The following KCNAB1 variants were observed in gnomAD, a reference collection of about 807,000 sequenced individuals.
The protein encoded by KCNAB1 is potassium voltage-gated channel subfamily A regulatory beta subunit 1, also known as voltage-gated potassium channel subunit beta-1.
A neutral mutation model predicts 64.6 loss-of-function variants in KCNAB1; 35 were observed. The observed-to-expected ratio is 0.54, with a 90% CI of 0.41 to 0.72. KCNAB1 has a LOEUF of 0.72. KCNAB1 is among the 30% of genes least tolerant of loss of function. The pLI is 0.00. For missense variants in KCNAB1, 401 were observed against 512.9 expected, an observed-to-expected ratio of 0.78 and a Z score of 2.11; for synonymous variants, 177 against 183.8, an observed-to-expected ratio of 0.96 and a Z score of 0.30.
chr3:156,512,577 A>G (rs1413533318), intron 8 of KCNAB1, among the ~76,000 whole-genome samples: 1 of 152,208 alleles, frequency 6.6e-6, no homozygotes, highest in Non-Finnish European at 1.5e-5. Flanking sequence ...AGGGAAAGGG[A>G]GCTGGTGCAG....
intron 2 of KCNAB1, among the ~76,000 whole-genome samples, chr3:156,429,595 C>G (rs530334966): frequency 2.6e-5 from 4 of 152,210 alleles, no homozygotes; most frequent in Non-Finnish European, 5.9e-5. Flanking sequence ...CTTAGTGATG[C>G]TCTCACTGCA....
intron 1 of KCNAB1, among the ~76,000 whole-genome samples, chr3:156,190,252 C>T (rs1041040680): frequency 1.3e-5 from 2 of 152,168 alleles, no homozygotes; most frequent in African/African-American, 2.4e-5. Context: ...TAGCTGCAAA[C>T]GATTTGCAAT....
chr3:156,529,418 A>C (rs80169016), intron 12 of KCNAB1, among the ~76,000 whole-genome samples: 2,682 of 152,238 alleles, frequency 0.018, 77 homozygotes, highest in African/African-American at 0.061. Flanking sequence ...TGGTAAATTT[A>C]TAAAAATTAT....
chr3:156,172,493 T>A (rs2108328225), intron 1 of KCNAB1, among the ~76,000 whole-genome samples: 1 of 152,334 alleles, frequency 6.6e-6, no homozygotes, highest in South Asian at 2.1e-4. Flanking sequence ...TTGGCCAGGC[T>A]GGTCTCAAAC....
chr3:156,486,720 AG>A (rs772165158), intron 8 of KCNAB1, among the ~76,000 whole-genome samples: 4 of 152,200 alleles, frequency 2.6e-5, no homozygotes, highest in Non-Finnish European at 4.4e-5. Context: ...GCTGGAGGAC[AG>A]GGATTTGAGG....
chr3:156,440,795 GAC>G (rs1716937774), intron 2 of KCNAB1, among the ~76,000 whole-genome samples: 1 of 152,076 alleles, frequency 6.6e-6, no homozygotes, highest in South Asian at 2.1e-4. Context: ...GTATCTATCA[GAC>G]ACAGATGAAA....
intron 1 of KCNAB1, among the ~76,000 whole-genome samples, chr3:156,331,390 T>A (rs942481368): frequency 1.3e-4 from 19 of 151,950 alleles, no homozygotes; most frequent in Non-Finnish European, 2.9e-5. Context: ...TGGACAGAGG[T>A]CCAAGCTAGT....
chr3:156,411,591 C>T (rs1164867104), intron 1 of KCNAB1, among the ~76,000 whole-genome samples: 1 of 152,062 alleles, frequency 6.6e-6, no homozygotes, highest in Non-Finnish European at 1.5e-5. Flanking sequence ...ATTTCATTTG[C>T]CCCATGACCA....
chr3:156,291,170 A>C (rs1356288571), intron 1 of KCNAB1: 1 of 985,456 alleles, frequency 1.0e-6, no homozygotes, highest in African/African-American at 1.7e-5. Flanking sequence ...ACACAAAGGC[A>C]AAGAGCTCCT....
chr3:156,255,163 A>G (rs556725702), intron 1 of KCNAB1, among the ~76,000 whole-genome samples: 1 of 152,302 alleles, frequency 6.6e-6, no homozygotes, highest in East Asian at 1.9e-4. Context: ...CTTTGTTCCA[A>G]CAAACCGCTT....
chr3:156,374,664 A>G (rs988032606), intron 1 of KCNAB1, among the ~76,000 whole-genome samples: 1 of 134,818 alleles, frequency 7.4e-6, no homozygotes, highest in Non-Finnish European at 1.5e-5. Flanking sequence ...GAGAGGTGGT[A>G]GAATGCAGAG....
intron 1 of KCNAB1, chr3:156,175,715 GT>G: frequency 1.1e-5 from 6 of 532,064 alleles, no homozygotes; most frequent in African/African-American, 1.9e-5. Context: ...GATAGCAGTG[GT>G]TTTTGGAATA....
At chr3:156,363,502 G>A (rs553557597) in intron 1 of KCNAB1, among the ~76,000 whole-genome samples, 3 of 150,142 alleles carry the variant, frequency 2.0e-5, no homozygotes, top group Non-Finnish European at 4.4e-5. Context: ...TTGAGACAGC[G>A]TCTTGCTCTG....
intron 1 of KCNAB1, among the ~76,000 whole-genome samples, chr3:156,311,580 A>C (rs1477490490): frequency 3.3e-5 from 5 of 152,204 alleles, no homozygotes; most frequent in Non-Finnish European, 7.3e-5. Flanking sequence ...ACCCATGCGC[A>C]GACCTGGGCC....
At chr3:156,271,217 T>C (rs894007046) in intron 1 of KCNAB1, among the ~76,000 whole-genome samples, 4 of 152,224 alleles carry the variant, frequency 2.6e-5, no homozygotes. Context: ...TACTTGAGTA[T>C]TGATATCTCT....
intron 1 of KCNAB1, among the ~76,000 whole-genome samples, chr3:156,350,215 A>G (rs769254739): frequency 4.6e-5 from 7 of 152,192 alleles, no homozygotes; most frequent in Non-Finnish European, 1.0e-4. Context: ...TGTTTAAAAC[A>G]TGTCAGATAA....
At chr3:156,449,825 C>T (rs183866855) in intron 2 of KCNAB1, among the ~76,000 whole-genome samples, 35 of 152,178 alleles carry the variant, frequency 2.3e-4, no homozygotes, top group Admixed American at 1.9e-3. Flanking sequence ...ACAAATGAAA[C>T]ATTTGTGCAA....
At chr3:156,255,321 A>T (rs1480849980) in intron 1 of KCNAB1, among the ~76,000 whole-genome samples, 2 of 152,352 alleles carry the variant, frequency 1.3e-5, no homozygotes, top group African/African-American at 4.8e-5. Context: ...GGATGAATGC[A>T]CTACAGATGT....
chr3:156,299,959 G>A (rs930168204), intron 1 of KCNAB1, among the ~76,000 whole-genome samples: 8 of 152,160 alleles, frequency 5.3e-5, no homozygotes, highest in African/African-American at 1.4e-4. Flanking sequence ...AAGTGATAAG[G>A]TGAGGGTTTT....
Sources: gnomAD v4.1 joint callset for allele counts (sites outside exome capture counted in the v4.1 genomes callset) on GRCh38, gnomAD v4.1.1 for gene constraint, MANE v1.5 for transcripts, NCBI Gene and HGNC (gene_info 2026-07-23, HGNC 2026-07-21) for gene names.